Variants in ADTRP observed in about 807,000 individuals in gnomAD.
ADTRP encodes androgen-dependent TFPI-regulating protein.
Under a neutral mutation model 27.0 loss-of-function variants are expected in ADTRP, and 20 were observed. The ratio of observed to expected loss-of-function variants is 0.74; its 90% CI spans 0.52 to 1.08. The LOEUF (loss-of-function observed/expected upper bound fraction) is 1.08. Ranked by LOEUF, ADTRP falls within the 50% of genes least tolerant of loss-of-function variation. ADTRP has a pLI of 0.00. For missense variants in ADTRP, 251 were observed against 275.0 expected (o/e 0.91, Z 0.62); for synonymous variants, 101 against 105.2 (o/e 0.96, Z 0.25).
chr6:11,766,199 T>G (rs549395230), intron 3 of ADTRP, 75 bp downstream of exon 3: 1 of 1,089,038 alleles, frequency 9.2e-7, no homozygotes, highest in Non-Finnish European at 1.3e-6. Context: ...TTTGGAAACA[T>G]AGATAAGGCA....
At chr6:11,755,200 G>A (rs1763176191) in intron 3 of ADTRP, 1 of 408,750 alleles carries the variant, frequency 2.4e-6, no homozygotes, top group African/African-American at 2.2e-5. Context: ...CTTCTCAGAA[G>A]ACATCTATAC....
chr6:11,723,615 C>G, intron 4 of ADTRP, 115 bp from the exon 5 acceptor site: 1 of 1,196,964 alleles, frequency 8.4e-7, no homozygotes, highest in Non-Finnish European at 1.2e-6. Flanking sequence ...CCATCAGGGA[C>G]GTTTGTCAAC....
intron 3 of ADTRP, chr6:11,736,348 T>C (rs1197703067): frequency 1.3e-5 from 2 of 152,800 alleles, no homozygotes; most frequent in Admixed American, 1.3e-4. Flanking sequence ...CACACACACA[T>C]GTTCATGCAT....
chr6:11,759,701 C>T (rs989168076), intron 3 of ADTRP, among the ~76,000 whole-genome samples: 1 of 152,020 alleles, frequency 6.6e-6, no homozygotes, highest in Non-Finnish European at 1.5e-5. Context: ...CCCTGGAACC[C>T]GTGAATATGT....
In ADTRP at chr6:11,735,699, T is replaced by C. The variant is rs1271847461; in HGVS notation, c.391-16A>G. The C allele has an allele frequency of 5.8e-5, 92 of 1,584,194 alleles. No homozygotes were observed. Among genetic ancestry groups the C allele is most frequent in the Non-Finnish European group, 6.9e-5 (80 of 1,153,540 alleles). On this transcript the variant is annotated splice_polypyrimidine_tract_variant and intron_variant, in intron 3 of 5. Coordinates refer to ENST00000414691, the MANE Select transcript of ADTRP (RefSeq NM_032744.4). The stretch of plus-strand genomic sequence containing the variant: ...TGAAAGTGTGCTGCAGGAGAGAAAA[T>C]GGCAAATCAGAATGGCAGGGTGTCC...
chr6:11,714,104 C>A lies in ADTRP; in HGVS notation c.*374G>T. ...GGTAACTTCTCATCTAGGTCCTCAGCATCCTTCTCTGTAAACTGAAGAGTT... is the reference window on the plus strand; with the variant it reads ...GGTAACTTCTCATCTAGGTCCTCAGAATCCTTCTCTGTAAACTGAAGAGTT... On this transcript the variant is annotated 3_prime_UTR_variant, in exon 6 of 6. Coordinates refer to ENST00000414691, the MANE Select transcript of ADTRP (RefSeq NM_032744.4). 1 of 198,216 alleles carries A rather than the reference C, an allele frequency of 5.0e-6. No homozygotes were observed. Among genetic ancestry groups the A allele is most frequent in the Non-Finnish European group, 1.0e-5 (1 of 99,234 alleles). The allele number at this position is 198,216 out of a possible 1,614,324, so 12.3% of individuals were successfully genotyped here.
At chr6:11,768,586 T>C (rs1180188869) in intron 1 of ADTRP, among the ~76,000 whole-genome samples, 1 of 152,096 alleles carries the variant, frequency 6.6e-6, no homozygotes, top group Admixed American at 6.5e-5. Context: ...ATTGAGCAAA[T>C]TTGTTTAGGG....
intron 1 of ADTRP, among the ~76,000 whole-genome samples, chr6:11,775,936 T>A (rs763781814): frequency 3.4e-4 from 52 of 152,264 alleles, no homozygotes; most frequent in Non-Finnish European, 5.6e-4. Flanking sequence ...AAAATAAATA[T>A]AAGAATGTGA....
chr6:11,774,391 C>T (rs1763885566), intron 1 of ADTRP, among the ~76,000 whole-genome samples: 2 of 151,968 alleles, frequency 1.3e-5, no homozygotes, highest in Admixed American at 1.3e-4. Flanking sequence ...GAAGTGGGTG[C>T]CATACTATAA....
chr6:11,768,162 G>T, intron 2 of ADTRP, 87 bp downstream of exon 2: 1 of 1,514,182 alleles, frequency 6.6e-7, no homozygotes, highest in South Asian at 1.3e-5. Context: ...TTCCAATTAT[G>T]GGCTCCCAAA....
chr6:11,736,472 C>T (rs1225261176), intron 3 of ADTRP: 1 of 152,540 alleles, frequency 6.6e-6, no homozygotes, highest in Non-Finnish European at 1.5e-5. Flanking sequence ...CATCCATACT[C>T]TTGCACTCTC....
chr6:11,735,488 C>T (rs1239387423), intron 4 of ADTRP, 80 bp downstream of exon 4: 2 of 968,428 alleles, frequency 2.1e-6, no homozygotes, highest in East Asian at 2.5e-5. Flanking sequence ...GGGATTCTGA[C>T]AGAACAGTAC....
intron 4 of ADTRP, 118 bp from the exon 5 acceptor site, chr6:11,723,618 T>C (rs1762089752): frequency 1.0e-5 from 12 of 1,180,214 alleles, no homozygotes; most frequent in Non-Finnish European, 1.3e-5. Context: ...TCAGGGACGT[T>C]TGTCAACAGC....
intron 1 of ADTRP, among the ~76,000 whole-genome samples, chr6:11,774,160 A>AT (rs398109849): frequency 1.3e-5 from 2 of 151,048 alleles, no homozygotes; most frequent in African/African-American, 2.4e-5. Context: ...TACAAAAAAA[A>AT]TTAGCCAGGC....
At chr6:11,737,475 A>G (rs929491710) in intron 3 of ADTRP, among the ~76,000 whole-genome samples, 2 of 152,126 alleles carry the variant, frequency 1.3e-5, no homozygotes, top group African/African-American at 4.8e-5. Flanking sequence ...TGTCATTCAC[A>G]AAAGACTTGT....
At chr6:11,743,195 T>G (rs1424980315) in intron 3 of ADTRP, among the ~76,000 whole-genome samples, 2 of 152,264 alleles carry the variant, frequency 1.3e-5, no homozygotes, top group African/African-American at 4.8e-5. Flanking sequence ...CAATTTCATG[T>G]GTTTTTTTCC....
chr6:11,777,487 T>TTTTG (rs1554117003), intron 1 of ADTRP, among the ~76,000 whole-genome samples: 14 of 151,648 alleles, frequency 9.2e-5, no homozygotes, highest in African/African-American at 3.4e-4. Context: ...TGTGTGGTTT[T>TTTTG]TTGTTGTTGT....
chr6:11,775,292 T>C (rs911819166), intron 1 of ADTRP, among the ~76,000 whole-genome samples: 1 of 152,126 alleles, frequency 6.6e-6, no homozygotes, highest in Non-Finnish European at 1.5e-5. Context: ...CTCCCCACTG[T>C]CCACTGCCTA....
At chr6:11,778,476 A>G (rs972655284) in intron 1 of ADTRP, 131 bp downstream of exon 1, 59 of 1,314,222 alleles carry the variant, frequency 4.5e-5, no homozygotes, top group Non-Finnish European at 5.6e-5. Flanking sequence ...AAAACCCAAA[A>G]CTCACAAAAC....
Sources: gnomAD v4.1 joint callset for allele counts (sites outside exome capture counted in the v4.1 genomes callset) on GRCh38, gnomAD v4.1.1 for gene constraint, MANE v1.5 for transcripts, NCBI Gene and HGNC (gene_info 2026-07-23, HGNC 2026-07-21) for gene names.